The following HRH1 variants were observed in gnomAD, a reference collection of about 807,000 sequenced individuals.
HRH1 encodes the protein histamine H1 receptor.
A neutral mutation model predicts 10.3 loss-of-function variants in HRH1; 6 were observed. That is an observed-to-expected ratio of 0.58 (90% CI 0.32 to 1.15). The LOEUF is 1.15. Ranked by LOEUF, HRH1 falls within the 50% of genes most tolerant of loss-of-function variation. The pLI is 0.05. For missense variants in HRH1, 514 were observed against 615.3 expected (o/e 0.84, Z 1.74); for synonymous variants, 242 against 236.7 (o/e 1.02, Z -0.21).
chr3:11,205,950 G>A (rs1237802589), intron 1 of HRH1, among the ~76,000 whole-genome samples: 11 of 151,746 alleles, frequency 7.2e-5, no homozygotes, highest in Middle Eastern at 3.4e-3. Context: ...GTGAGCCACC[G>A]CGCCTGGCCC....
intron 1 of HRH1, among the ~76,000 whole-genome samples, chr3:11,178,632 G>A (rs1339076947): frequency 3.9e-5 from 6 of 152,098 alleles, no homozygotes; most frequent in East Asian, 3.9e-4. Flanking sequence ...TTTGACAGAC[G>A]ACTGTTGAGT....
chr3:11,225,748 C>T (rs989720089), intron 1 of HRH1, among the ~76,000 whole-genome samples: 7 of 152,240 alleles, frequency 4.6e-5, no homozygotes, highest in Non-Finnish European at 7.3e-5. Flanking sequence ...TGCAGTGGCA[C>T]GATCTCGGCT....
intron 1 of HRH1, chr3:11,234,148 G>A: frequency 1.4e-6 from 1 of 694,126 alleles, no homozygotes; most frequent in Non-Finnish European, 2.4e-6. Context: ...ATATTACAGT[G>A]CACAGGACAA....
At chr3:11,189,665 C>T (rs1937508089) in intron 1 of HRH1, among the ~76,000 whole-genome samples, 1 of 152,100 alleles carries the variant, frequency 6.6e-6, no homozygotes, top group Non-Finnish European at 1.5e-5. Context: ...GGCGTGGTGG[C>T]TCACACCTGT....
chr3:11,159,718 G>A lies in HRH1; in HGVS notation c.-36+5164G>A, dbSNP rs1936888070. Among the ~76,000 whole-genome samples, 7 of 152,198 alleles carry A rather than the reference G, an allele frequency of 4.6e-5. No individual in the cohort carries two copies. In the South Asian group the frequency reaches 1.4e-3, roughly 32 times the overall value. ...TTATGCTGGCCTCACAAAATGATGT[G>A]GGCAAGAGTCCCACTTTTCTGTTCT... On this transcript the variant is annotated intron_variant, in intron 1 of 1. Transcript: ENST00000431010.
intron 1 of HRH1, among the ~76,000 whole-genome samples, chr3:11,229,982 G>A (rs1412791069): frequency 6.6e-6 from 1 of 152,210 alleles, no homozygotes; most frequent in Non-Finnish European, 1.5e-5. Flanking sequence ...GGGGACTAGA[G>A]GGGGTGAGAT....
intron 1 of HRH1, among the ~76,000 whole-genome samples, chr3:11,210,977 GTTAT>G (rs1221588712): frequency 1.3e-5 from 2 of 152,144 alleles, no homozygotes; most frequent in Non-Finnish European, 2.9e-5. Flanking sequence ...TTGAGTGCCT[GTTAT>G]GTGCAAGGCA....
At chr3:11,207,520 G>C (rs1020672456) in intron 1 of HRH1, among the ~76,000 whole-genome samples, 36 of 152,250 alleles carry the variant, frequency 2.4e-4, no homozygotes, top group South Asian at 1.2e-3. Flanking sequence ...AGTGAGCCGA[G>C]ATCATGCCAC....
At chr3:11,191,618 C>T (rs1177397289) in intron 1 of HRH1, among the ~76,000 whole-genome samples, 2 of 152,208 alleles carry the variant, frequency 1.3e-5, no homozygotes, top group Non-Finnish European at 2.9e-5. Flanking sequence ...GAAAGATAGT[C>T]AGTGCCAAAG....
chr3:11,259,811 G>T lies in HRH1; in HGVS notation c.774G>T (p.Glu258Asp). 1.2e-6 allele frequency: 2 copies of T among 1,613,972 alleles called. No individual in the cohort carries two copies. The highest frequency in any genetic ancestry group is 2.2e-5 in the South Asian group (2 of 91,078). ...AACCAGGGAAGGAGTCTCCCTGGGA[G>T]GTTCTGAAAAGGAAGCCAAAAGATG... The part of the protein sequence containing the change: ...AKKPGKESPW[E>D]VLKRKPKDAG... Residue 258 changes from glutamate (E) to aspartate (D), a missense_variant, in exon 2 of 2, where the codon GAG becomes GAT. By Grantham distance (45) the Glu-to-Asp change is conservative (BLOSUM62 2). Coordinates refer to ENST00000431010, the MANE Select transcript of HRH1 (RefSeq NM_001098212.2). This position sits in a 1 kb window ranked among gnomAD's most constrained non-coding sequence, Gnocchi z 4.6.
intron 1 of HRH1, among the ~76,000 whole-genome samples, chr3:11,171,869 C>G (rs150845240): frequency 1.6e-3 from 243 of 152,338 alleles, no homozygotes; most frequent in African/African-American, 5.7e-3. Context: ...TATCTAAACT[C>G]AACTTGCTTG....
intron 1 of HRH1, among the ~76,000 whole-genome samples, chr3:11,145,089 C>G (rs537324512): frequency 6.6e-6 from 1 of 152,232 alleles, no homozygotes; most frequent in South Asian, 2.1e-4. Context: ...AGTTCAGGCC[C>G]CATACCCCAT....
chr3:11,182,253 A>G (rs2125017590), intron 1 of HRH1, among the ~76,000 whole-genome samples: 1 of 152,268 alleles, frequency 6.6e-6, no homozygotes, highest in African/African-American at 2.4e-5. Flanking sequence ...AAGTGCTGGG[A>G]TTACAAGTGT....
chr3:11,243,140 C>T (rs1005679395), intron 1 of HRH1, among the ~76,000 whole-genome samples: 5 of 152,198 alleles, frequency 3.3e-5, no homozygotes, highest in African/African-American at 7.2e-5. Context: ...TCTCAAACTG[C>T]TGACCTCAGG....
intron 1 of HRH1, among the ~76,000 whole-genome samples, chr3:11,249,652 A>G (rs1939585755): frequency 1.3e-5 from 2 of 152,188 alleles, no homozygotes; most frequent in Non-Finnish European, 2.9e-5. Flanking sequence ...AAACAAATGT[A>G]TGGTTTCAGG....
chr3:11,168,712 A>T (rs1052374504), intron 1 of HRH1, among the ~76,000 whole-genome samples: 2 of 152,190 alleles, frequency 1.3e-5, no homozygotes, highest in Admixed American at 6.5e-5. Context: ...CAATGATGAG[A>T]GGTACTCCTG....
At chr3:11,148,114 A>G (rs1039077497) in intron 1 of HRH1, among the ~76,000 whole-genome samples, 8 of 147,906 alleles carry the variant, frequency 5.4e-5, no homozygotes, top group Non-Finnish European at 1.2e-4. Flanking sequence ...CAGGAGGCGG[A>G]GGTTGCAGTG....
intron 1 of HRH1, among the ~76,000 whole-genome samples, chr3:11,157,871 A>G (rs7640476): frequency 0.2 from 30,562 of 152,148 alleles, 3,681 homozygotes; most frequent in African/African-American, 0.33. Flanking sequence ...ACAGACTCCA[A>G]TGTCCAACAG....
Position 11,260,568 on chromosome 3 carries a change from G to C in HRH1, c.*67G>C. 6.9e-7 allele frequency: 1 copy of C among 1,448,036 alleles called. No homozygotes were observed. The highest frequency in any genetic ancestry group is 9.4e-7 in the Non-Finnish European group (1 of 1,069,190). 89.7% of individuals were successfully genotyped at this position (1,448,036 alleles called of 1,614,324 possible). A position where few individuals can be genotyped will look rare whatever the true frequency, so the allele number is the denominator to read the frequency against. ...TCCAACAAGGAAATAGAGGACGAAG[G>C]CCTGTGTGTTGCCAGGCAGGCACCT... On this transcript the variant is annotated 3_prime_UTR_variant, in exon 2 of 2. Coordinates refer to ENST00000431010, the MANE Select transcript of HRH1 (RefSeq NM_001098212.2).
Sources: allele counts gnomAD v4.1 joint callset (sites outside exome capture counted in the v4.1 genomes callset), GRCh38; gene constraint gnomAD v4.1.1; non-coding constraint Gnocchi (gnomAD v3.1); transcripts MANE v1.5; gene names NCBI Gene and HGNC (gene_info 2026-07-23, HGNC 2026-07-21).